ARHGEF4: variants seen among roughly 807,000 people sequenced by gnomAD.
ARHGEF4 encodes the protein APC-stimulated guanine nucleotide exchange factor 1.
ARHGEF4 carries 119 observed loss-of-function variants against 162.0 expected under a neutral mutation model. The ratio of observed to expected loss-of-function variants is 0.73; its 90% CI spans 0.63 to 0.86. ARHGEF4 has a LOEUF of 0.86. Among genes scored for constraint, ARHGEF4 ranks in the 40% least tolerant of loss-of-function variants. The pLI is 0.00. For missense variants in ARHGEF4, 2,488 were observed against 2,456.0 expected, an observed-to-expected ratio of 1.01 and a Z score of -0.28; for synonymous variants, 1,014 against 979.9, an observed-to-expected ratio of 1.03 and a Z score of -0.65.
At chr2:131,009,918 T>G (rs1302270660) in intron 4 of ARHGEF4, among the ~76,000 whole-genome samples, 1 of 152,274 alleles carries the variant, frequency 6.6e-6, no homozygotes, top group East Asian at 1.9e-4. Flanking sequence ...TATTGAATAG[T>G]TTACAGTCTT....
chr2:130,936,046 C>T (rs1221467770), intron 3 of ARHGEF4, among the ~76,000 whole-genome samples: 3 of 152,056 alleles, frequency 2.0e-5, no homozygotes, highest in East Asian at 1.9e-4. Context: ...GCCTGGGCAA[C>T]GAGAGTGAAA....
intron 1 of ARHGEF4, among the ~76,000 whole-genome samples, chr2:130,878,665 G>C (rs1034971206): frequency 6.6e-6 from 1 of 152,188 alleles, no homozygotes; most frequent in Admixed American, 6.5e-5. Flanking sequence ...ATATGTGCAG[G>C]GATACTCAGG....
At chr2:130,939,643 A>G (rs563876127) in intron 3 of ARHGEF4, among the ~76,000 whole-genome samples, 2 of 152,318 alleles carry the variant, frequency 1.3e-5, no homozygotes, top group South Asian at 4.1e-4. Context: ...TGAGAATCTG[A>G]TGAGACTGCA....
At chr2:131,043,076 T>C (rs1690945594) in intron 10 of ARHGEF4, among the ~76,000 whole-genome samples, 1 of 152,048 alleles carries the variant, frequency 6.6e-6, no homozygotes, top group African/African-American at 2.4e-5. Flanking sequence ...TTAATAATGT[T>C]TCATTTAACT....
At chr2:130,988,899 TATAGAGAGAGAG>T (rs1273159360) in intron 4 of ARHGEF4, among the ~76,000 whole-genome samples, 294 of 113,018 alleles carry the variant, frequency 2.6e-3, no homozygotes, top group Middle Eastern at 8.8e-3. Flanking sequence ...TATATATATA[TATAGAGAGAGAG>T]AGAGAGAGAG....
At chr2:131,030,338 A>T (rs146340830) in intron 5 of ARHGEF4, among the ~76,000 whole-genome samples, 1 of 152,196 alleles carries the variant, frequency 6.6e-6, no homozygotes, top group South Asian at 2.1e-4. Flanking sequence ...AAAATAACCC[A>T]AAAAATGAGG....
At chr2:130,965,169 C>CA (rs1222301878) in intron 4 of ARHGEF4, among the ~76,000 whole-genome samples, 1 of 152,174 alleles carries the variant, frequency 6.6e-6, no homozygotes. Context: ...GAATGAGACT[C>CA]AGAGCATCAA....
rs760006336 is a variant in ARHGEF4, at chr2:130,946,622, C to T, written c.3972C>T (p.His1324=). Reference sequence around the variant, plus strand: ...TGAACCACATGGGCTGGCCAGAGCACACACCAGGCACTGGTGAGTTACGCG... The same window carrying T: ...TGAACCACATGGGCTGGCCAGAGCATACACCAGGCACTGGTGAGTTACGCG... ...TGLNHMGWPE[H]TPGTAMPDGA... Residue 1324 remains histidine, a synonymous_variant, in exon 4 of 14, where the codon CAC becomes CAT. Transcript: ENST00000409359. The T allele has an allele frequency of 3.1e-6, 5 of 1,614,062 alleles. No homozygotes were observed. The highest frequency in any genetic ancestry group is 4.2e-6 in the Non-Finnish European group (5 of 1,179,950).
intron 4 of ARHGEF4, among the ~76,000 whole-genome samples, chr2:130,978,058 C>T (rs1685872634): frequency 6.6e-6 from 1 of 152,166 alleles, no homozygotes; most frequent in Admixed American, 6.5e-5. Context: ...TTTGACACTT[C>T]CTGAGATCCC....
intron 5 of ARHGEF4, among the ~76,000 whole-genome samples, chr2:131,033,380 C>G (rs1260813589): frequency 6.6e-6 from 1 of 152,194 alleles, no homozygotes; most frequent in African/African-American, 2.4e-5. Context: ...CAGCACTCAG[C>G]TGGGGCTGAA....
chr2:130,916,761 AAGGGCG>A lies in ARHGEF4; in HGVS notation c.2818_2823del (p.Gly940_Glu941del), dbSNP rs1681524179. 3 of 1,550,512 alleles carry A rather than the reference AAGGGCG, an allele frequency of 1.9e-6. No individual in the cohort carries two copies. The highest frequency in any genetic ancestry group is 2.6e-6 in the Non-Finnish European group (3 of 1,147,032). On this transcript the variant is annotated inframe_deletion, in exon 2 of 14. Transcript: ENST00000409359. The stretch of plus-strand genomic sequence containing the variant: ...CCATGAACGTTCCCCAAGTTCTCCC[AAGGGCG>A]AGAAGGAGAAGAGCAGGCTGCGCCA...
At chr2:130,902,755 G>A (rs915736469) in intron 1 of ARHGEF4, among the ~76,000 whole-genome samples, 2 of 152,256 alleles carry the variant, frequency 1.3e-5, no homozygotes, top group African/African-American at 4.8e-5. Flanking sequence ...AGAGGCCTCC[G>A]TCCTGTCGGG....
intron 1 of ARHGEF4, among the ~76,000 whole-genome samples, chr2:130,874,118 A>G (rs1490274379): frequency 1.3e-5 from 2 of 152,146 alleles, no homozygotes; most frequent in African/African-American, 4.8e-5. Context: ...GCAGCTTACC[A>G]ACTGTTCTGC....
intron 1 of ARHGEF4, among the ~76,000 whole-genome samples, chr2:130,855,541 G>T (rs546919147): frequency 1.9e-4 from 29 of 152,292 alleles, no homozygotes; most frequent in African/African-American, 6.5e-4. Context: ...GACAACCCAC[G>T]TGAAGTGTTA....
intron 4 of ARHGEF4, among the ~76,000 whole-genome samples, chr2:130,952,314 T>C (rs926040119): frequency 2.0e-5 from 3 of 152,174 alleles, no homozygotes; most frequent in Non-Finnish European, 4.4e-5. Context: ...TGCCAAGATT[T>C]CTTTTTTAAA....
At chr2:130,992,470 C>T (rs1157239780) in intron 4 of ARHGEF4, among the ~76,000 whole-genome samples, 1 of 151,920 alleles carries the variant, frequency 6.6e-6, no homozygotes, top group Non-Finnish European at 1.5e-5. Flanking sequence ...ACTCCAGATG[C>T]GCTGCCTTAA....
chr2:130,908,665 G>T (rs1357145666), intron 1 of ARHGEF4, among the ~76,000 whole-genome samples: 2 of 151,804 alleles, frequency 1.3e-5, no homozygotes, highest in African/African-American at 4.8e-5. Flanking sequence ...GACAGTGCGA[G>T]CTCCATCTAA....
chr2:130,853,077 T>C (rs1391981216), intron 1 of ARHGEF4, among the ~76,000 whole-genome samples: 1 of 152,148 alleles, frequency 6.6e-6, no homozygotes, highest in African/African-American at 2.4e-5. Context: ...GTTTTGTGCT[T>C]TGGGTCCCAG....
At position 130,842,449 on chromosome 2, in the gene ARHGEF4, G is replaced by A. The variant is rs111727962; in HGVS notation, c.39+5457G>A. On this transcript the variant is annotated intron_variant, in intron 1 of 13. Transcript: ENST00000409359. Reference sequence around the variant, plus strand: ...AAGAGATACTCGTACTTTATGTAGAGTGGTAGAGAGGCCCTGTGAGGACAG... The same window carrying A: ...AAGAGATACTCGTACTTTATGTAGAATGGTAGAGAGGCCCTGTGAGGACAG... Among the ~76,000 whole-genome samples the A allele has an allele frequency of 2.9e-3, 442 of 152,346 alleles. 4 individuals are homozygous for A. Among genetic ancestry groups the A allele is most frequent in the African/African-American group, 0.01 (416 of 41,572 alleles).
Sources: allele counts gnomAD v4.1 joint callset (sites outside exome capture counted in the v4.1 genomes callset), GRCh38; gene constraint gnomAD v4.1.1; transcripts MANE v1.5; gene names NCBI Gene and HGNC (gene_info 2026-07-23, HGNC 2026-07-21).